The following MOGAT1 variants were observed in gnomAD, a reference collection of about 807,000 sequenced individuals.
MOGAT1 encodes 2-acylglycerol O-acyltransferase 1.
MOGAT1 carries 32 observed loss-of-function variants against 31.4 expected under a neutral mutation model. The ratio of observed to expected loss-of-function variants is 1.02; its 90% confidence interval spans 0.77 to 1.37. The LOEUF (loss-of-function observed/expected upper bound fraction) is 1.37. Among genes scored for constraint, MOGAT1 ranks in the 40% most tolerant of loss-of-function variants. The pLI is 0.00. For missense variants in MOGAT1, 426 were observed against 402.0 expected (o/e 1.06, Z -0.51); for synonymous variants, 145 against 144.5 (o/e 1.00, Z -0.03).
intron 5 of MOGAT1, chr2:222,699,490 C>CCT (rs1372008828): frequency 6.4e-5 from 5 of 77,680 alleles, no homozygotes; most frequent in African/African-American, 2.7e-4. Context: ...GGAGATATTT[C>CCT]TTTTTTTTTT....
chr2:222,690,601 A>G (rs1228759192), intron 3 of MOGAT1, among the ~76,000 whole-genome samples: 2 of 152,126 alleles, frequency 1.3e-5, no homozygotes, highest in African/African-American at 4.8e-5. Flanking sequence ...GGTCCTCTAG[A>G]CTTTTATTAC....
chr2:222,709,595 C>T, intron 5 of MOGAT1, 141 bp from the exon 6 acceptor site: 1 of 674,334 alleles, frequency 1.5e-6, no homozygotes, highest in South Asian at 2.9e-5. Context: ...TGCAGGCAGC[C>T]AGTGAAAGGA....
chr2:222,700,632 T>G (rs1358811168), intron 5 of MOGAT1, among the ~76,000 whole-genome samples: 1 of 152,208 alleles, frequency 6.6e-6, no homozygotes, highest in Admixed American at 6.5e-5. Flanking sequence ...ATGTAGAGCA[T>G]CTCGATTTGT....
rs1298927619 is a variant in MOGAT1 at position 222,695,366 on chromosome 2, G to A, written c.853+78G>A. The A allele has an allele frequency of 4.1e-6, 4 of 969,586 alleles. No individual in the cohort carries two copies. The African/African-American group carries it at 6.7e-5, about 16-fold the overall frequency. The allele number at this position is 969,586 out of a possible 1,614,324, so 60.1% of individuals were successfully genotyped here. A position where few individuals can be genotyped will look rare whatever the true frequency, so the allele number is the denominator to read the frequency against. On this transcript the variant is annotated intron_variant, in intron 5 of 5. Coordinates refer to ENST00000446656, the MANE Select transcript of MOGAT1 (RefSeq NM_058165.3). ...GTTATTGATTGAGGTGCTAATGCAA[G>A]GGAAGTGGCTTTGAGTAAGAACTTC...
chr2:222,681,611 T>C (rs1313127988), intron 1 of MOGAT1, among the ~76,000 whole-genome samples: 1 of 152,134 alleles, frequency 6.6e-6, no homozygotes, highest in African/African-American at 2.4e-5. Flanking sequence ...ACATGATCAG[T>C]CACTAACTCA....
At chr2:222,693,094 G>A (rs138672041) in intron 3 of MOGAT1, among the ~76,000 whole-genome samples, 88 of 152,324 alleles carry the variant, frequency 5.8e-4, no homozygotes, top group African/African-American at 2.0e-3. Flanking sequence ...TTCAAGTGAT[G>A]AGATATGCTA....
chr2:222,707,148 C>T (rs1693013399), intron 5 of MOGAT1, among the ~76,000 whole-genome samples: 1 of 151,690 alleles, frequency 6.6e-6, no homozygotes, highest in Admixed American at 6.6e-5. Flanking sequence ...GACGAGATCA[C>T]ACCATTACAG....
At chr2:222,681,344 T>G (rs931562904) in intron 1 of MOGAT1, among the ~76,000 whole-genome samples, 1 of 152,230 alleles carries the variant, frequency 6.6e-6, no homozygotes, top group Non-Finnish European at 1.5e-5. Context: ...CTCCTTGGAC[T>G]CTGTCATTTG....
At position 222,709,741 on chromosome 2, in the gene MOGAT1, C is replaced by T. The variant is rs759956665; in HGVS notation, c.859C>T (p.Arg287Cys). The T allele has an allele frequency of 3.7e-6, 6 of 1,611,598 alleles. No homozygotes were observed. Among genetic ancestry groups the T allele is most frequent in the South Asian group, 1.1e-5 (1 of 90,858 alleles). ...ATGTATTCCCTGATTTGCAGTTGGC[C>T]GCCCGATCCCTGTTCGTCAGACTCT... The part of the protein sequence containing the change: ...YRKAIHTVVG[R>C]PIPVRQTLNP... The change falls in exon 6 of 6, where the codon CGC becomes TGC. Residue 287 changes from arginine to cysteine, a missense_variant. Transcript: ENST00000446656.
At position 222,671,711 on chromosome 2, in the gene MOGAT1, G is replaced by A; in HGVS notation, c.-75G>A. 3.1e-6 allele frequency: 4 copies of A among 1,285,126 alleles called. No homozygotes were observed. Among genetic ancestry groups the A allele is most frequent in the Admixed American group, 4.1e-5 (2 of 49,352 alleles). 79.6% of individuals were successfully genotyped at this position (1,285,126 alleles called of 1,614,324 possible). A position where few individuals can be genotyped will look rare whatever the true frequency, so the allele number is the denominator to read the frequency against. On this transcript the variant is annotated 5_prime_UTR_variant, in exon 1 of 6. Coordinates refer to ENST00000446656, the MANE Select transcript of MOGAT1 (RefSeq NM_058165.3). ...CAGCGCGGGGCCCGGATCCGGCCGGGCACTTCCCACAGGCGCCGCAGAGCA... is the reference window on the plus strand; with the variant it reads ...CAGCGCGGGGCCCGGATCCGGCCGGACACTTCCCACAGGCGCCGCAGAGCA...
At chr2:222,694,638 C>G in intron 4 of MOGAT1, 102 bp downstream of exon 4, 1 of 1,117,514 alleles carries the variant, frequency 8.9e-7, no homozygotes, top group Non-Finnish European at 1.3e-6. Context: ...AAGACCTCCT[C>G]CAAATCGATC....
At chr2:222,685,857 C>T (rs538529253) in intron 1 of MOGAT1, among the ~76,000 whole-genome samples, 65 of 152,026 alleles carry the variant, frequency 4.3e-4, no homozygotes, top group African/African-American at 1.6e-3. Context: ...ACCTCAGCCT[C>T]CCAAAGTGCT....
At chr2:222,698,297 G>A (rs1559233110) in intron 5 of MOGAT1, among the ~76,000 whole-genome samples, 1 of 152,206 alleles carries the variant, frequency 6.6e-6, no homozygotes, top group Non-Finnish European at 1.5e-5. Context: ...CCAAGTGTAA[G>A]GGTGACATGG....
chr2:222,688,614 AG>A (rs1217658499), intron 2 of MOGAT1, 92 bp downstream of exon 2: 4 of 885,210 alleles, frequency 4.5e-6, no homozygotes, highest in Non-Finnish European at 6.8e-6. Flanking sequence ...TCTTTTTCAG[AG>A]GGGATGTCTT....
At chr2:222,688,034 G>T (rs1013533749) in intron 1 of MOGAT1, among the ~76,000 whole-genome samples, 1 of 152,120 alleles carries the variant, frequency 6.6e-6, no homozygotes, top group Admixed American at 6.5e-5. Context: ...TTATGGCTCA[G>T]TGTTTCCTCT....
chr2:222,685,851 C>T (rs1017703467), intron 1 of MOGAT1, among the ~76,000 whole-genome samples: 2 of 152,148 alleles, frequency 1.3e-5, no homozygotes, highest in East Asian at 3.9e-4. Flanking sequence ...CCACCCACCT[C>T]AGCCTCCCAA....
Position 222,694,379 on chromosome 2 carries a change from A to G in MOGAT1, c.496A>G (p.Lys166Glu), listed in dbSNP as rs778169046. Residue 166 changes from lysine (K) to glutamate (E), a missense_variant, in exon 4 of 6, where the codon AAG becomes GAG. Physicochemically the swap from Lys to Glu is moderately conservative, Grantham distance 56. Coordinates refer to ENST00000446656, the MANE Select transcript of MOGAT1 (RefSeq NM_058165.3). ...VMSVGLVSVS[K>E]KSVSYMVSKE... ...TCACTAAGGGCTGGTTTCAGTTTCCAAGAAAAGTGTGTCCTACATGGTAAG... is the reference window on the plus strand; with the variant it reads ...TCACTAAGGGCTGGTTTCAGTTTCCGAGAAAAGTGTGTCCTACATGGTAAG... The G allele has an allele frequency of 6.2e-7, 1 of 1,608,236 alleles. No individual in the cohort carries two copies. The highest frequency in any genetic ancestry group is 2.2e-5 in the East Asian group (1 of 44,748).
intron 1 of MOGAT1, among the ~76,000 whole-genome samples, chr2:222,684,753 T>C (rs1218732728): frequency 2.0e-5 from 3 of 152,068 alleles, no homozygotes; most frequent in Non-Finnish European, 4.4e-5. Context: ...ATTTTTGTAT[T>C]TTTAGTAGAG....
chr2:222,689,432 C>T lies in MOGAT1; in HGVS notation c.441C>T (p.Phe147=), dbSNP rs1311954994. 6.2e-7 allele frequency: 1 copy of T among 1,613,994 alleles called. No homozygotes were observed. Among genetic ancestry groups the T allele is most frequent in the Non-Finnish European group, 8.5e-7 (1 of 1,179,886 alleles). The change falls in exon 3 of 6, where the codon TTC becomes TTT. Residue 147 remains phenylalanine, a synonymous_variant. Coordinates refer to ENST00000446656, the MANE Select transcript of MOGAT1 (RefSeq NM_058165.3). ...TSYLHVLPLW[F]WCPVFREYVM... is the part of the protein sequence containing the mutation. The stretch of plus-strand genomic sequence containing the variant: ...ATCTTCACGTGCTGCCACTTTGGTT[C>T]TGGTGTCCTGTCTTTCGAGAATATG...
Sources: gnomAD v4.1 joint callset for allele counts (sites outside exome capture counted in the v4.1 genomes callset) on GRCh38, gnomAD v4.1.1 for gene constraint, MANE v1.5 for transcripts, NCBI Gene and HGNC (gene_info 2026-07-23, HGNC 2026-07-21) for gene names.